Variants in PICALM observed in about 807,000 individuals in gnomAD.
PICALM encodes phosphatidylinositol-binding clathrin assembly protein.
Under a neutral mutation model 80.5 loss-of-function variants are expected in PICALM, and 40 were observed. The observed-to-expected ratio is 0.50, with a 90% CI of 0.39 to 0.65. The LOEUF (loss-of-function observed/expected upper bound fraction) is 0.65, where lower values mean the gene tolerates loss of function less well. Among genes scored for constraint, PICALM ranks in the 30% least tolerant of loss-of-function variants. PICALM has a pLI of 0.00. For synonymous variants in PICALM, 288 were observed against 260.3 expected (o/e 1.11, Z -1.02); for missense variants, 676 against 778.9 (o/e 0.87, Z 1.57).
chr11:85,975,492 A>G (rs1380910912), intron 18 of PICALM, among the ~76,000 whole-genome samples: 1 of 152,140 alleles, frequency 6.6e-6, no homozygotes, highest in Non-Finnish European at 1.5e-5. Context: ...GCAATGCTCT[A>G]AAATCTTTCC....
chr11:86,051,657 T>A (rs2096190687), intron 1 of PICALM, among the ~76,000 whole-genome samples: 1 of 152,152 alleles, frequency 6.6e-6, no homozygotes, highest in African/African-American at 2.4e-5. Context: ...TGAGACTCCA[T>A]CTCAAAAAGA....
In PICALM at chr11:85,978,137, G is replaced by C. The variant is rs138593326; in HGVS notation, c.1780-1455C>G. ...ACAATTACATAATGCAATAACACTG[G>C]ATTAGAACAAGTACTTACACAACAG... On this transcript the variant is annotated intron_variant, in intron 17 of 19. Coordinates refer to ENST00000393346, the MANE Select transcript of PICALM (RefSeq NM_007166.4). 2.9e-5 allele frequency: 44 copies of C among 1,538,642 alleles called. 1 individual carries two copies. The East Asian group carries it at 8.8e-4, about 31-fold the overall frequency.
At chr11:85,986,365 ATTTTTTTTTTTTTTTTTTT>A (rs775072780) in intron 13 of PICALM, among the ~76,000 whole-genome samples, 13 of 73,750 alleles carry the variant, frequency 1.8e-4, no homozygotes, top group African/African-American at 5.0e-4. Context: ...CCAACTTTTA[ATTTTTTTTTTTTTTTTTTT>A]TTTTTTTTTT....
At chr11:86,064,495 T>A (rs1205868874) in intron 1 of PICALM, among the ~76,000 whole-genome samples, 1 of 150,340 alleles carries the variant, frequency 6.7e-6, no homozygotes, top group African/African-American at 2.5e-5. Context: ...AGACCCTGTC[T>A]GTATAAAAAT....
In PICALM at chr11:86,068,948, A is replaced by G; in HGVS notation, c.-168T>C. On this transcript the variant is annotated 5_prime_UTR_variant, in exon 1 of 20. Coordinates refer to ENST00000393346, the MANE Select transcript of PICALM (RefSeq NM_007166.4). ...GCCGCGCGCTGCCACCAGTCCAGAG[A>G]GAACCGGCTCGTGTCACCCGCGGAG... 1 of 844,302 alleles carries G rather than the reference A, an allele frequency of 1.2e-6. No individual in the cohort carries two copies. Among genetic ancestry groups the G allele is most frequent in the Non-Finnish European group, 1.8e-6 (1 of 568,114 alleles). The allele number at this position is 844,302 out of a possible 1,614,324, so 52.3% of individuals were successfully genotyped here.
intron 4 of PICALM, among the ~76,000 whole-genome samples, chr11:86,020,688 G>C (rs1592999688): frequency 6.6e-6 from 1 of 152,072 alleles, no homozygotes. Flanking sequence ...ACATACAAAA[G>C]AATAAATTTG....
intron 1 of PICALM, among the ~76,000 whole-genome samples, chr11:86,038,319 C>CA (rs2095879087): frequency 6.7e-6 from 1 of 150,290 alleles, no homozygotes; most frequent in Admixed American, 6.6e-5. Flanking sequence ...AGACTCCATC[C>CA]GAAAAAAATT....
intron 1 of PICALM, among the ~76,000 whole-genome samples, chr11:86,065,766 C>G (rs1021489575): frequency 6.6e-6 from 1 of 152,134 alleles, no homozygotes; most frequent in South Asian, 2.1e-4. Context: ...TCCACTAACA[C>G]CTACAGTATA....
chr11:85,983,579 T>C (rs2094500667), intron 14 of PICALM, among the ~76,000 whole-genome samples: 2 of 152,192 alleles, frequency 1.3e-5, no homozygotes, highest in Non-Finnish European at 1.5e-5. Context: ...GCACAACATC[T>C]ACACATAGTC....
At chr11:86,035,277 C>A (rs2095821213) in intron 1 of PICALM, among the ~76,000 whole-genome samples, 1 of 152,132 alleles carries the variant, frequency 6.6e-6, no homozygotes, top group Non-Finnish European at 1.5e-5. Flanking sequence ...TTTCCCCAGG[C>A]AGAGTTCATC....
chr11:85,966,191 T>A (rs1036866283), intron 19 of PICALM, among the ~76,000 whole-genome samples: 1 of 151,258 alleles, frequency 6.6e-6, no homozygotes, highest in African/African-American at 2.4e-5. Context: ...GTATGTTGTA[T>A]CTGAACCTCT....
At chr11:86,028,699 T>C (rs2095693780) in intron 2 of PICALM, among the ~76,000 whole-genome samples, 1 of 152,138 alleles carries the variant, frequency 6.6e-6, no homozygotes, top group Non-Finnish European at 1.5e-5. Flanking sequence ...ATGTTAAGGG[T>C]CTATAACACA....
chr11:86,024,275 A>G (rs940237610), intron 3 of PICALM, among the ~76,000 whole-genome samples: 3 of 152,026 alleles, frequency 2.0e-5, no homozygotes, highest in Non-Finnish European at 2.9e-5. Flanking sequence ...TTTTGTAACA[A>G]TGGGTCCTAC....
Position 86,011,023 on chromosome 11 carries a change from A to T in PICALM, c.765+7T>A. On this transcript the variant is annotated splice_region_variant and intron_variant, in intron 7 of 19. Transcript: ENST00000393346. ...AGTTAGGAGACAGTCACTTAAAGACAGTTTACCTCTGCAACTTTGAGGAAC... is the reference window on the plus strand; with the variant it reads ...AGTTAGGAGACAGTCACTTAAAGACTGTTTACCTCTGCAACTTTGAGGAAC... 1 of 1,321,900 alleles carries T rather than the reference A, an allele frequency of 7.6e-7. No individual in the cohort carries two copies. The highest frequency in any genetic ancestry group is 1.1e-6 in the Non-Finnish European group (1 of 925,058). 81.9% of individuals were successfully genotyped at this position (1,321,900 alleles called of 1,614,324 possible).
At chr11:86,026,268 C>T in intron 3 of PICALM, 24 bp downstream of exon 3, 1 of 1,307,738 alleles carries the variant, frequency 7.6e-7, no homozygotes, top group Non-Finnish European at 1.1e-6. Flanking sequence ...TTTTGATTTT[C>T]TATAATGTAA....
intron 1 of PICALM, among the ~76,000 whole-genome samples, chr11:86,067,456 C>A (rs148963156): frequency 2.0e-5 from 3 of 152,064 alleles, no homozygotes; most frequent in African/African-American, 7.2e-5. Context: ...GGTAAAAGAG[C>A]GCAAAGAAAA....
intron 1 of PICALM, among the ~76,000 whole-genome samples, chr11:86,032,878 A>G (rs2095782833): frequency 6.6e-6 from 1 of 152,202 alleles, no homozygotes; most frequent in Non-Finnish European, 1.5e-5. Flanking sequence ...AACTACCAAC[A>G]TTTACTTAAA....
intron 13 of PICALM, among the ~76,000 whole-genome samples, chr11:85,984,196 T>C (rs1007973810): frequency 1.3e-5 from 2 of 152,198 alleles, no homozygotes; most frequent in African/African-American, 4.8e-5. Flanking sequence ...CAACTCACAC[T>C]GAACTGAAAA....
At position 85,999,437 on chromosome 11, in the gene PICALM, T is replaced by G. The variant is rs1173862889; in HGVS notation, c.1154+1206A>C. On this transcript the variant is annotated intron_variant, in intron 11 of 19. Coordinates refer to ENST00000393346, the MANE Select transcript of PICALM (RefSeq NM_007166.4). ...TTGTTTCAGCCTCGAACAATGAACA[T>G]TCTTTTCACTTCTTTCTCCTAGGAC... Among the ~76,000 whole-genome samples, 3 of 152,240 alleles carry G rather than the reference T, an allele frequency of 2.0e-5. No homozygotes were observed. The South Asian group carries it at 6.2e-4, about 32-fold the overall frequency.
Sources: allele counts gnomAD v4.1 joint callset (sites outside exome capture counted in the v4.1 genomes callset), GRCh38; gene constraint gnomAD v4.1.1; transcripts MANE v1.5; gene names NCBI Gene and HGNC (gene_info 2026-07-23, HGNC 2026-07-21).